Variants in KCNQ5 observed in about 807,000 individuals in gnomAD.
KCNQ5 encodes potassium voltage-gated channel subfamily KQT member 5.
Under a neutral mutation model 98.2 loss-of-function variants are expected in KCNQ5, and 30 were observed. That is an observed-to-expected ratio of 0.31 (90% CI 0.23 to 0.41). The LOEUF is 0.41. Ranked by LOEUF, KCNQ5 falls within the 10% of genes least tolerant of loss-of-function variation. The pLI, the probability that KCNQ5 is intolerant of heterozygous loss-of-function variation, is 1.00. For synonymous variants in KCNQ5, 458 were observed against 449.4 expected, an observed-to-expected ratio of 1.02 and a Z score of -0.24; for missense variants, 835 against 1,182.5, an observed-to-expected ratio of 0.71 and a Z score of 4.31.
At chr6:72,837,936 T>C (rs1471756184) in intron 1 of KCNQ5, among the ~76,000 whole-genome samples, 1 of 152,142 alleles carries the variant, frequency 6.6e-6, no homozygotes, top group Non-Finnish European at 1.5e-5. Flanking sequence ...AAGTTATTTT[T>C]TTTTTGGATT....
At chr6:72,780,598 A>G (rs1773411841) in intron 1 of KCNQ5, among the ~76,000 whole-genome samples, 1 of 152,202 alleles carries the variant, frequency 6.6e-6, no homozygotes, top group African/African-American at 2.4e-5. Flanking sequence ...GTTTTGCTCA[A>G]TGCATCTGGG....
At chr6:72,948,371 C>T (rs918195270) in intron 1 of KCNQ5, among the ~76,000 whole-genome samples, 7 of 152,028 alleles carry the variant, frequency 4.6e-5, no homozygotes, top group Admixed American at 3.3e-4. Flanking sequence ...TCTGAATCTT[C>T]TGGCTGACTC....
intron 1 of KCNQ5, among the ~76,000 whole-genome samples, chr6:72,919,660 A>T (rs11969224): frequency 0.044 from 6,765 of 152,240 alleles, 436 homozygotes; most frequent in African/African-American, 0.14. Context: ...CTGAAAAAAA[A>T]ATTAATCATA....
chr6:72,899,177 A>G (rs530757964), intron 1 of KCNQ5, among the ~76,000 whole-genome samples: 4 of 152,312 alleles, frequency 2.6e-5, no homozygotes, highest in African/African-American at 9.6e-5. Flanking sequence ...CTGAGACATT[A>G]TTAAACAGAT....
At chr6:72,994,550 C>T (rs1769193521) in intron 1 of KCNQ5, among the ~76,000 whole-genome samples, 1 of 146,802 alleles carries the variant, frequency 6.8e-6, no homozygotes, top group African/African-American at 2.5e-5. Context: ...CTGGCCTGCG[C>T]CCACTGTCTG....
intron 3 of KCNQ5, among the ~76,000 whole-genome samples, chr6:73,060,931 T>C (rs1183090251): frequency 1.3e-5 from 2 of 152,160 alleles, no homozygotes; most frequent in African/African-American, 4.8e-5. Context: ...GTATCACCCT[T>C]ATGGAAGAGT....
chr6:72,727,678 A>G (rs1037104673), intron 1 of KCNQ5, among the ~76,000 whole-genome samples: 2 of 152,210 alleles, frequency 1.3e-5, no homozygotes, highest in African/African-American at 2.4e-5. Flanking sequence ...ATAATACTGC[A>G]TAATATATTA....
At chr6:72,904,804 C>T (rs1779637623) in intron 1 of KCNQ5, among the ~76,000 whole-genome samples, 1 of 151,944 alleles carries the variant, frequency 6.6e-6, no homozygotes. Context: ...AGATACTTTC[C>T]TTCATTTTAA....
intron 1 of KCNQ5, among the ~76,000 whole-genome samples, chr6:72,705,481 T>G (rs2154474825): frequency 6.6e-6 from 1 of 152,268 alleles, no homozygotes; most frequent in Middle Eastern, 3.4e-3. Context: ...AACAGGAAAC[T>G]TTAAGTAGGT....
intron 1 of KCNQ5, among the ~76,000 whole-genome samples, chr6:72,848,630 A>G (rs1000291174): frequency 4.6e-5 from 7 of 152,182 alleles, no homozygotes; most frequent in Non-Finnish European, 7.3e-5. Flanking sequence ...CAACTTATAA[A>G]AACATCACTT....
At chr6:72,822,347 T>A (rs932283762) in intron 1 of KCNQ5, among the ~76,000 whole-genome samples, 6 of 152,238 alleles carry the variant, frequency 3.9e-5, no homozygotes, top group Admixed American at 6.5e-5. Flanking sequence ...ACATAAGAGA[T>A]GTTTAAAATA....
intron 5 of KCNQ5, among the ~76,000 whole-genome samples, chr6:73,104,912 A>G (rs185632499): frequency 6.6e-6 from 1 of 152,312 alleles, no homozygotes; most frequent in East Asian, 1.9e-4. Context: ...GACAGCCTAA[A>G]TTAACATAAA....
chr6:73,124,936 G>GAT (rs1180218889), intron 9 of KCNQ5, among the ~76,000 whole-genome samples: 876 of 75,956 alleles, frequency 0.012, 1 homozygote, highest in Non-Finnish European at 0.015. Context: ...CTTTTGGAGT[G>GAT]ATATATATAT....
In KCNQ5 at chr6:73,166,534, TA is replaced by T. The variant is rs370467499; in HGVS notation, c.1469-3211del. On this transcript the variant is annotated intron_variant, in intron 10 of 13. Coordinates refer to ENST00000370398, the MANE Select transcript of KCNQ5 (RefSeq NM_019842.4). ...CTCTAAAAAAAAAAAAAACTCTTAT[TA>T]CTATCATCATCATTATTGTCCTGGA... Among the ~76,000 whole-genome samples, 617 of 72,484 alleles carry T rather than the reference TA, an allele frequency of 8.5e-3. 4 individuals carry two copies. The highest frequency in any genetic ancestry group is 0.056 in the African/African-American group (577 of 10,230). 47.6% of individuals were successfully genotyped at this position (72,484 alleles called of 152,430 possible).
At position 72,639,141 on chromosome 6, in the gene KCNQ5, G is replaced by A. The variant is rs2098925814; in HGVS notation, c.398+16554G>A. ...GAGAAGAAATAAGGTCCTTGGAGAA[G>A]AGTGTATGGAAAAAGATTTAGGGAA... On this transcript the variant is annotated intron_variant, in intron 1 of 13. Coordinates refer to ENST00000370398, the MANE Select transcript of KCNQ5 (RefSeq NM_019842.4). 1.3e-5 allele frequency among the ~76,000 whole-genome samples: 2 copies of A among 152,166 alleles called. 1 individual carries two copies. Among genetic ancestry groups the A allele is most frequent in the South Asian group, 4.1e-4 (2 of 4,828 alleles).
At chr6:72,944,457 G>A (rs1008259751) in intron 1 of KCNQ5, among the ~76,000 whole-genome samples, 2 of 151,984 alleles carry the variant, frequency 1.3e-5, no homozygotes, top group African/African-American at 2.4e-5. Context: ...ATTATTTCAG[G>A]ACCTATTCTA....
chr6:73,134,107 C>T (rs1002262812), intron 10 of KCNQ5: 4 of 397,068 alleles, frequency 1.0e-5, no homozygotes, highest in African/African-American at 6.2e-5. Context: ...ACTCCATCTA[C>T]CAGCAAATCA....
chr6:72,752,884 T>G (rs1771757519), intron 1 of KCNQ5, among the ~76,000 whole-genome samples: 1 of 152,088 alleles, frequency 6.6e-6, no homozygotes, highest in Non-Finnish European at 1.5e-5. Flanking sequence ...GGACAGGAAG[T>G]GAAGAATGAA....
At chr6:73,151,356 A>G (rs1664593285) in intron 10 of KCNQ5, among the ~76,000 whole-genome samples, 1 of 152,062 alleles carries the variant, frequency 6.6e-6, no homozygotes, top group Admixed American at 6.5e-5. Context: ...TGATTAATTC[A>G]TTTTGAATAC....
Sources: allele counts gnomAD v4.1 joint callset (sites outside exome capture counted in the v4.1 genomes callset), GRCh38; gene constraint gnomAD v4.1.1; transcripts MANE v1.5; gene names NCBI Gene and HGNC (gene_info 2026-07-23, HGNC 2026-07-21).